Variants in CDIN1 observed in about 807,000 individuals in gnomAD.
CDIN1 encodes the protein CDAN1-interacting nuclease 1.
A neutral mutation model predicts 45.3 loss-of-function variants in CDIN1; 33 were observed. That is an observed-to-expected ratio of 0.73 (90% CI 0.55 to 0.97). The LOEUF is 0.97. Among genes scored for constraint, CDIN1 ranks in the 50% least tolerant of loss-of-function variants. CDIN1 has a pLI of 0.00. For synonymous variants in CDIN1, 118 were observed against 124.4 expected (o/e 0.95, Z 0.34); for missense variants, 303 against 339.4 (o/e 0.89, Z 0.84).
At chr15:36,806,474 G>GT (rs945976785) in intron 10 of CDIN1, among the ~76,000 whole-genome samples, 1 of 152,072 alleles carries the variant, frequency 6.6e-6, no homozygotes, top group African/African-American at 2.4e-5. Flanking sequence ...TTAGATCACA[G>GT]TTTTTTTCTT....
chr15:36,629,033 T>C (rs2039570013), intron 1 of CDIN1, among the ~76,000 whole-genome samples: 1 of 152,152 alleles, frequency 6.6e-6, no homozygotes, highest in South Asian at 2.1e-4. Flanking sequence ...TGCAGGCAGC[T>C]ACCAGAAGCT....
intron 1 of CDIN1, among the ~76,000 whole-genome samples, chr15:36,630,234 C>G (rs1421956008): frequency 6.6e-6 from 1 of 152,188 alleles, no homozygotes; most frequent in African/African-American, 2.4e-5. Flanking sequence ...AGAACTGCTA[C>G]AGTAGGCCCA....
Position 36,797,875 on chromosome 15 carries a change from G to C in CDIN1, c.717-10449G>C, listed in dbSNP as rs532093864. 2.0e-5 allele frequency among the ~76,000 whole-genome samples: 3 copies of C among 151,780 alleles called. No individual in the cohort carries two copies. The East Asian group carries it at 5.8e-4, about 30-fold the overall frequency. On this transcript the variant is annotated intron_variant, in intron 10 of 10. Transcript: ENST00000566621. Reference sequence around the variant, plus strand: ...CATGCCTGTAGTCCCAGCTCCTCAGGAGACTGAGGCAGGAGAATCATTTGA... The same window carrying C: ...CATGCCTGTAGTCCCAGCTCCTCAGCAGACTGAGGCAGGAGAATCATTTGA...
At chr15:36,721,698 G>C (rs2043422982) in intron 10 of CDIN1, among the ~76,000 whole-genome samples, 1 of 151,986 alleles carries the variant, frequency 6.6e-6, no homozygotes, top group Non-Finnish European at 1.5e-5. Context: ...CAAGTTTTCT[G>C]TGTCTTTACA....
rs916286089 is a variant in CDIN1, at chr15:36,733,261, G to T, written c.716+23300G>T. On this transcript the variant is annotated intron_variant, in intron 10 of 10. Coordinates refer to ENST00000566621, the MANE Select transcript of CDIN1 (RefSeq NM_001321759.2). ...TAAATGTATTTCTAGATGCATCTTT[G>T]TTCAGACATTTTATATACATATATA... Among the ~76,000 whole-genome samples the T allele has an allele frequency of 1.2e-4, 18 of 151,936 alleles. 1 individual carries two copies. Among genetic ancestry groups the T allele is most frequent in the Admixed American group, 1.0e-3 (16 of 15,240 alleles).
At chr15:36,749,109 T>C (rs1049408187) in intron 10 of CDIN1, among the ~76,000 whole-genome samples, 1 of 152,180 alleles carries the variant, frequency 6.6e-6, no homozygotes, top group African/African-American at 2.4e-5. Context: ...TAATTACTGT[T>C]CCAAAAAACC....
rs537166631 is a variant in CDIN1 at position 36,652,624 on chromosome 15, C to T, written c.213-1474C>T. 1.6e-4 allele frequency among the ~76,000 whole-genome samples: 24 copies of T among 152,224 alleles called. No homozygotes were observed. In the South Asian group the frequency reaches 4.6e-3, roughly 29 times the overall value. On this transcript the variant is annotated intron_variant, in intron 3 of 10. Coordinates refer to ENST00000566621, the MANE Select transcript of CDIN1 (RefSeq NM_001321759.2). ...TTTATTTTTTCCTCTTGCTTCTGAA[C>T]GTCCTTATTTTCCAATTGGTTTCCC... is the stretch of plus-strand genomic sequence containing the variant.
intron 1 of CDIN1, chr15:36,613,897 C>T: frequency 6.4e-7 from 1 of 1,555,380 alleles, no homozygotes; most frequent in Non-Finnish European, 8.8e-7. Flanking sequence ...ACTTGGAACG[C>T]ACAGAGAATG....
At chr15:36,704,032 G>C (rs893493401) in intron 8 of CDIN1, among the ~76,000 whole-genome samples, 17 of 152,052 alleles carry the variant, frequency 1.1e-4, no homozygotes, top group African/African-American at 3.1e-4. Context: ...CTACTATGTT[G>C]ATTTGTCCCT....
chr15:36,581,567 G>A lies in CDIN1; in HGVS notation c.101+1606G>A, dbSNP rs144616596. Among the ~76,000 whole-genome samples, 1,078 of 152,274 alleles carry A rather than the reference G, an allele frequency of 7.1e-3. 19 individuals are homozygous for A. The highest frequency in any genetic ancestry group is 0.025 in the African/African-American group (1,030 of 41,546). ...TTAGAGAGAGCTGAACTACTAATCCGCAAAAGAAGGGATTAAAGAGCTATT... is the reference window on the plus strand; with the variant it reads ...TTAGAGAGAGCTGAACTACTAATCCACAAAAGAAGGGATTAAAGAGCTATT... On this transcript the variant is annotated intron_variant, in intron 1 of 10. Transcript: ENST00000566621.
At chr15:36,610,063 G>A (rs1301620422) in intron 1 of CDIN1, among the ~76,000 whole-genome samples, 1 of 152,142 alleles carries the variant, frequency 6.6e-6, no homozygotes, top group East Asian at 1.9e-4. Flanking sequence ...TTATCTCAGA[G>A]GTCTCAAAGA....
intron 10 of CDIN1, among the ~76,000 whole-genome samples, chr15:36,717,755 C>G (rs921457965): frequency 6.6e-6 from 1 of 152,076 alleles, no homozygotes; most frequent in Non-Finnish European, 1.5e-5. Flanking sequence ...AATGACTAAA[C>G]TCTTTTCTGA....
intron 8 of CDIN1, among the ~76,000 whole-genome samples, chr15:36,703,360 G>GAT (rs1161705216): frequency 2.1e-5 from 1 of 48,586 alleles, no homozygotes; most frequent in Non-Finnish European, 3.7e-5. Context: ...ACATATATCA[G>GAT]ATAGATCTAT....
chr15:36,747,191 G>GA (rs2044477002), intron 10 of CDIN1: 1 of 388,284 alleles, frequency 2.6e-6, no homozygotes, highest in Non-Finnish European at 4.5e-6. Context: ...GCAATGTTTG[G>GA]AAAATGTTTG....
intron 1 of CDIN1, chr15:36,613,357 G>A: frequency 1.3e-6 from 1 of 771,236 alleles, no homozygotes; most frequent in African/African-American, 1.8e-5. Context: ...AAGTTAAAAA[G>A]ATGTAAAGAT....
At chr15:36,672,777 C>T (rs1030452337) in intron 5 of CDIN1, among the ~76,000 whole-genome samples, 60 of 149,244 alleles carry the variant, frequency 4.0e-4, no homozygotes, top group African/African-American at 1.4e-3. Context: ...TGATCAGCGC[C>T]GAATCTTGTT....
chr15:36,741,041 A>G (rs1413879226), intron 10 of CDIN1, among the ~76,000 whole-genome samples: 7 of 152,108 alleles, frequency 4.6e-5, no homozygotes, highest in African/African-American at 9.7e-5. Flanking sequence ...GGCTCAAGCA[A>G]TCTTCCTACC....
chr15:36,640,749 C>T (rs1046852900), intron 1 of CDIN1: 1 of 586,896 alleles, frequency 1.7e-6, no homozygotes, highest in Non-Finnish European at 2.1e-6. Flanking sequence ...GCTCAGCTCT[C>T]CTCTTAATCT....
intron 10 of CDIN1, among the ~76,000 whole-genome samples, chr15:36,767,181 A>AAG (rs1312746844): frequency 6.6e-6 from 1 of 151,738 alleles, no homozygotes; most frequent in Non-Finnish European, 1.5e-5. Context: ...CAGTTAAAAA[A>AAG]AATGGATCTA....
Sources: allele counts gnomAD v4.1 joint callset (sites outside exome capture counted in the v4.1 genomes callset), GRCh38; gene constraint gnomAD v4.1.1; transcripts MANE v1.5; gene names NCBI Gene and HGNC (gene_info 2026-07-23, HGNC 2026-07-21).